SLC35F4: variants seen among roughly 807,000 people sequenced by gnomAD.
The protein encoded by SLC35F4 is chromosome 14 open reading frame 36.
In SLC35F4, 24 loss-of-function variants were observed where a neutral mutation model predicts 44.2. The observed-to-expected ratio is 0.54, with a 90% CI of 0.39 to 0.76. SLC35F4 has a LOEUF of 0.76. Ranked by LOEUF, SLC35F4 falls within the 30% of genes least tolerant of loss-of-function variation. The probability of loss-of-function intolerance (pLI) is 0.00; values close to 1 mark genes in which losing one functional copy is unlikely to be tolerated. For synonymous variants in SLC35F4, 238 were observed against 223.6 expected, an observed-to-expected ratio of 1.06 and a Z score of -0.57; for missense variants, 562 against 586.1, an observed-to-expected ratio of 0.96 and a Z score of 0.42.
intron 1 of SLC35F4, among the ~76,000 whole-genome samples, chr14:57,639,670 T>G (rs2073147680): frequency 6.6e-6 from 1 of 152,058 alleles, no homozygotes; most frequent in African/African-American, 2.4e-5. Context: ...TATTAGGTGA[T>G]GTGGCAGAGG....
At chr14:57,681,076 C>T (rs1412070966) in intron 1 of SLC35F4, among the ~76,000 whole-genome samples, 1 of 151,992 alleles carries the variant, frequency 6.6e-6, no homozygotes, top group African/African-American at 2.4e-5. Flanking sequence ...CAATCCTAAG[C>T]AAAAAGAACA....
intron 1 of SLC35F4, among the ~76,000 whole-genome samples, chr14:57,697,710 AAAAAG>A (rs1299903823): frequency 2.6e-5 from 4 of 152,114 alleles, no homozygotes; most frequent in African/African-American, 4.8e-5. Flanking sequence ...AAAAAAAAAA[AAAAAG>A]AAAGAAAATT....
chr14:57,824,369 G>C (rs1347148933), intron 1 of SLC35F4, among the ~76,000 whole-genome samples: 1 of 152,182 alleles, frequency 6.6e-6, no homozygotes, highest in East Asian at 1.9e-4. Context: ...GGTCTAGTTG[G>C]AGGACAAGAG....
chr14:57,621,139 T>G, intron 1 of SLC35F4, among the ~76,000 whole-genome samples: 1 of 151,740 alleles, frequency 6.6e-6, no homozygotes, highest in Non-Finnish European at 1.5e-5. Context: ...CAAGAAGAAC[T>G]ACAAACCACT....
At chr14:57,597,378 T>C (rs2139951993) in intron 1 of SLC35F4, among the ~76,000 whole-genome samples, 1 of 152,340 alleles carries the variant, frequency 6.6e-6, no homozygotes, top group East Asian at 1.9e-4. Context: ...GAGAATATGA[T>C]TTCTTCATCT....
At chr14:57,838,890 A>T (rs1247828130) in intron 1 of SLC35F4, among the ~76,000 whole-genome samples, 1 of 152,248 alleles carries the variant, frequency 6.6e-6, no homozygotes, top group Non-Finnish European at 1.5e-5. Flanking sequence ...TAGAGAATTC[A>T]CATGAGAATG....
intron 1 of SLC35F4, among the ~76,000 whole-genome samples, chr14:57,754,892 G>T (rs971425659): frequency 1.3e-5 from 2 of 152,218 alleles, no homozygotes; most frequent in East Asian, 3.8e-4. Flanking sequence ...CCCAGAGAGG[G>T]AAAGGAACAT....
chr14:57,793,752 T>C (rs2077985428), intron 1 of SLC35F4, among the ~76,000 whole-genome samples: 2 of 152,172 alleles, frequency 1.3e-5, no homozygotes, highest in South Asian at 4.1e-4. Context: ...AGCAGTGGAA[T>C]TGCTGGATTG....
rs145357282 is a variant in SLC35F4 at position 57,902,302 on chromosome 14, G to A, written n.282+79611C>T. ...ACTCTGGCTGGGCGCGGTGGCTCAC[G>A]CCTGTAATCCCAGCACTTTGGGAGG... On this transcript the variant is annotated intron_variant and non_coding_transcript_variant, in intron 1 of 1. Coordinates refer to the SLC35F4 transcript ENST00000556568. Among the ~76,000 whole-genome samples the A allele has an allele frequency of 5.3e-5, 8 of 152,184 alleles. No individual in the cohort carries two copies. In the East Asian group the frequency reaches 7.7e-4, roughly 15 times the overall value.
intron 1 of SLC35F4, among the ~76,000 whole-genome samples, chr14:57,937,122 C>T (rs1195348781): frequency 6.7e-6 from 1 of 149,710 alleles, no homozygotes; most frequent in East Asian, 2.0e-4. Flanking sequence ...GGCTGGAGTG[C>T]AATGGCGCTA....
At chr14:57,970,107 A>G (rs1881009392) in intron 1 of SLC35F4, among the ~76,000 whole-genome samples, 1 of 152,248 alleles carries the variant, frequency 6.6e-6, no homozygotes, top group African/African-American at 2.4e-5. Flanking sequence ...CAATACCAAG[A>G]ATCCTTCTCA....
At chr14:57,567,415 G>A (rs1452150599) in intron 6 of SLC35F4, among the ~76,000 whole-genome samples, 1 of 152,194 alleles carries the variant, frequency 6.6e-6, no homozygotes, top group Non-Finnish European at 1.5e-5. Flanking sequence ...AGCATGTTGT[G>A]TATATCTCTG....
At chr14:57,871,790 G>T (rs1460224394) in intron 1 of SLC35F4, among the ~76,000 whole-genome samples, 1 of 152,144 alleles carries the variant, frequency 6.6e-6, no homozygotes, top group Non-Finnish European at 1.5e-5. Flanking sequence ...ACACTCAAGG[G>T]TTTTCTCTTT....
At chr14:57,787,733 C>T (rs900456909) in intron 1 of SLC35F4, among the ~76,000 whole-genome samples, 4 of 152,048 alleles carry the variant, frequency 2.6e-5, no homozygotes, top group African/African-American at 9.7e-5. Context: ...TACCAAGCCA[C>T]GACTACAAGA....
chr14:57,893,672 A>G (rs1000332101), intron 1 of SLC35F4, among the ~76,000 whole-genome samples: 1 of 152,204 alleles, frequency 6.6e-6, no homozygotes, highest in Non-Finnish European at 1.5e-5. Flanking sequence ...ACCACAGGAC[A>G]TTAACAGCCA....
chr14:57,864,056 T>C (rs1023155178), intron 1 of SLC35F4, among the ~76,000 whole-genome samples: 1 of 152,228 alleles, frequency 6.6e-6, no homozygotes, highest in African/African-American at 2.4e-5. Flanking sequence ...AGTATTCTTT[T>C]TGGGTTGTTC....
chr14:57,722,247 A>C (rs2140439887), intron 1 of SLC35F4, among the ~76,000 whole-genome samples: 1 of 152,268 alleles, frequency 6.6e-6, no homozygotes, highest in South Asian at 2.1e-4. Context: ...AAAAGCTTCT[A>C]ATCATTTATT....
chr14:57,564,451 G>C (rs936780875), intron 7 of SLC35F4, 75 bp from the exon 8 acceptor site: 34 of 1,517,882 alleles, frequency 2.2e-5, no homozygotes, highest in Non-Finnish European at 2.8e-5. Context: ...CAAAGTCCAT[G>C]TTACTTCTAG....
intron 1 of SLC35F4, among the ~76,000 whole-genome samples, chr14:57,958,577 G>A (rs1190182343): frequency 1.3e-5 from 2 of 151,858 alleles, no homozygotes; most frequent in African/African-American, 4.9e-5. Context: ...ATTAGGTGGT[G>A]GTGATGGTTG....
Sources: allele counts gnomAD v4.1 joint callset (sites outside exome capture counted in the v4.1 genomes callset), GRCh38; gene constraint gnomAD v4.1.1; transcripts MANE v1.5; gene names NCBI Gene and HGNC (gene_info 2026-07-23, HGNC 2026-07-21).